UGT1A9: variants seen among roughly 807,000 people sequenced by gnomAD.
UGT1A9 encodes the protein UDP-glucuronosyltransferase 1A9.
A neutral mutation model predicts 45.0 loss-of-function variants in UGT1A9; 35 were observed. The observed-to-expected ratio is 0.78, with a 90% CI of 0.59 to 1.03. The LOEUF (loss-of-function observed/expected upper bound fraction) is 1.03. UGT1A9 is among the 50% of genes least tolerant of loss of function. The pLI is 0.00. For missense variants in UGT1A9, 687 were observed against 666.6 expected (o/e 1.03, Z -0.34); for synonymous variants, 278 against 250.6 (o/e 1.11, Z -1.03).
At chr2:233,724,824 G>A (rs1386605275) in intron 1 of UGT1A9, among the ~76,000 whole-genome samples, 24 of 135,740 alleles carry the variant, frequency 1.8e-4, no homozygotes, top group African/African-American at 7.1e-4. Context: ...TGCAATCTCG[G>A]CACTTTGGGA....
At chr2:233,728,823 T>G (rs1575576976) in intron 1 of UGT1A9, among the ~76,000 whole-genome samples, 2 of 152,200 alleles carry the variant, frequency 1.3e-5, no homozygotes, top group East Asian at 1.9e-4. Context: ...ATGAAATGGG[T>G]GTTCACAGCC....
chr2:233,717,641 G>A (rs869283), intron 1 of UGT1A9: 163,407 of 385,870 alleles, frequency 0.42, 37,925 homozygotes, highest in African/African-American at 0.72. Flanking sequence ...ATCCTGGGGC[G>A]ACCAGGACAA....
chr2:233,690,026 G>C (rs1455242628), intron 1 of UGT1A9: 1 of 432,784 alleles, frequency 2.3e-6, no homozygotes, highest in African/African-American at 2.1e-5. Flanking sequence ...CCTTCCTCAA[G>C]ATCTGGGCCC....
rs556800643 is a variant in UGT1A9 at position 233,745,736 on chromosome 2, G to A, written c.856-21298G>A. 8.6e-5 allele frequency among the ~76,000 whole-genome samples: 13 copies of A among 150,680 alleles called. No individual in the cohort carries two copies. The South Asian group carries it at 2.5e-3, about 29-fold the overall frequency. ...GAATGGCTGGAGGGTAAGAGGCAGA[G>A]GGAGGGGGCAAGCAGAAGGGGTGGA... On this transcript the variant is annotated intron_variant, in intron 1 of 4. Coordinates refer to ENST00000354728, the MANE Select transcript of UGT1A9 (RefSeq NM_021027.3).
intron 1 of UGT1A9, among the ~76,000 whole-genome samples, chr2:233,763,107 T>C (rs2126002075): frequency 6.6e-6 from 1 of 152,392 alleles, no homozygotes; most frequent in East Asian, 1.9e-4. Context: ...CACCGAACTT[T>C]ATCAGCTGCC....
intron 1 of UGT1A9, chr2:233,754,789 A>G (rs1444380130): frequency 8.4e-7 from 1 of 1,196,426 alleles, no homozygotes; most frequent in African/African-American, 1.6e-5. Context: ...AAGGAACGAA[A>G]TCCTGTATCA....
intron 1 of UGT1A9, chr2:233,760,357 G>T: frequency 6.2e-7 from 1 of 1,614,100 alleles, no homozygotes; most frequent in South Asian, 1.1e-5. Flanking sequence ...GGGCCCAGTG[G>T]TGTCCCATGC....
At chr2:233,747,362 G>C (rs765094554) in intron 1 of UGT1A9, 99 of 1,603,664 alleles carry the variant, frequency 6.2e-5, no homozygotes, top group Non-Finnish European at 7.6e-5. Flanking sequence ...CCGTGCGGGA[G>C]CTCCATGCCA....
Position 233,671,924 on chromosome 2 carries a change from G to C in UGT1A9, c.-11G>C. The C allele has an allele frequency of 1.9e-6, 3 of 1,597,406 alleles. No homozygotes were observed. The highest frequency in any genetic ancestry group is 2.6e-6 in the Non-Finnish European group (3 of 1,171,634). On this transcript the variant is annotated 5_prime_UTR_variant, in exon 1 of 5. Coordinates refer to ENST00000354728, the MANE Select transcript of UGT1A9 (RefSeq NM_021027.3). Reference sequence around the variant, plus strand: ...GATTCCCAGCTGCTTGCTCTCAGCTGCAGTTCTCTGATGGCTTGCACAGGG... The same window carrying C: ...GATTCCCAGCTGCTTGCTCTCAGCTCCAGTTCTCTGATGGCTTGCACAGGG...
In UGT1A9 at chr2:233,761,530, G is replaced by A. The variant is rs544153828; in HGVS notation, c.856-5504G>A. Among the ~76,000 whole-genome samples, 10 of 152,346 alleles carry A rather than the reference G, an allele frequency of 6.6e-5. No homozygotes were observed. In the East Asian group the frequency reaches 9.7e-4, roughly 15 times the overall value. ...CAGGCAGGCAATGTTCAGGACTGAT[G>A]AAATCATTCTTTGATGATGATAGAT... On this transcript the variant is annotated intron_variant, in intron 1 of 4. Coordinates refer to ENST00000354728, the MANE Select transcript of UGT1A9 (RefSeq NM_021027.3).
chr2:233,673,138 T>C (rs866454769), intron 1 of UGT1A9, among the ~76,000 whole-genome samples: 1 of 152,242 alleles, frequency 6.6e-6, no homozygotes, highest in African/African-American at 2.4e-5. Context: ...TTTGTGAACA[T>C]TCTTTTAATG....
intron 1 of UGT1A9, among the ~76,000 whole-genome samples, chr2:233,694,400 T>C (rs557019872): frequency 6.6e-6 from 1 of 152,256 alleles, no homozygotes; most frequent in Non-Finnish European, 1.5e-5. Context: ...ATGAAGAATA[T>C]GTGCCACAGA....
intron 1 of UGT1A9, chr2:233,755,285 A>T (rs1468695441): frequency 1.5e-6 from 1 of 681,694 alleles, no homozygotes; most frequent in African/African-American, 1.9e-5. Flanking sequence ...ACTGCCAAAG[A>T]GCCTGCGGGG....
At chr2:233,700,772 A>G (rs940098875) in intron 1 of UGT1A9, among the ~76,000 whole-genome samples, 4 of 151,978 alleles carry the variant, frequency 2.6e-5, no homozygotes, top group Admixed American at 2.6e-4. Context: ...TGCACAACGT[A>G]CAGGTTTGTT....
rs1559370464 is a variant in UGT1A9 at position 233,725,249 on chromosome 2, GGAGGCAGAGGCAGAGGAGGCAGAGGCA to G, written c.856-41768_856-41742del. Among the ~76,000 whole-genome samples, 7 of 48,520 alleles carry G rather than the reference GGAGGCAGAGGCAGAGGAGGCAGAGGCA, an allele frequency of 1.4e-4. 2 individuals carry two copies. The highest frequency in any genetic ancestry group is 4.8e-4 in the East Asian group (1 of 2,098). The allele number at this position is 48,520 out of a possible 152,430, so 31.8% of individuals were successfully genotyped here. On this transcript the variant is annotated intron_variant, in intron 1 of 4. Coordinates refer to ENST00000354728, the MANE Select transcript of UGT1A9 (RefSeq NM_021027.3). ...CAGAGGCAGAGGAGGCAGAGGCAGA[GGAGGCAGAGGCAGAGGAGGCAGAGGCA>G]GAGGCAGAGGCAGAGGCAGAGGCAG...
At chr2:233,768,469 G>T (rs1403858659) in intron 4 of UGT1A9, 30 bp downstream of exon 4, 1 of 1,603,172 alleles carries the variant, frequency 6.2e-7, no homozygotes, top group East Asian at 2.2e-5. Flanking sequence ...AGAATACTTT[G>T]GTCATGGCAT....
rs561823899 is a variant in UGT1A9 at position 233,704,839 on chromosome 2, G to A, written c.855+32050G>A. ...CTTTTTAGGATTGCTTTTAAAATCA[G>A]TTAAGAGAATAGGGCCGGGCACGGT... On this transcript the variant is annotated intron_variant, in intron 1 of 4. Transcript: ENST00000354728. Among the ~76,000 whole-genome samples, 3 of 152,072 alleles carry A rather than the reference G, an allele frequency of 2.0e-5. No homozygotes were observed. In the South Asian group the frequency reaches 6.2e-4, roughly 32 times the overall value.
intron 1 of UGT1A9, among the ~76,000 whole-genome samples, chr2:233,721,048 T>A (rs1417218537): frequency 6.6e-6 from 1 of 152,110 alleles, no homozygotes. Flanking sequence ...TGAGCCCTTT[T>A]TTGTCATATT....
intron 1 of UGT1A9, among the ~76,000 whole-genome samples, chr2:233,715,929 T>C (rs1446549427): frequency 1.3e-5 from 2 of 152,168 alleles, no homozygotes; most frequent in Non-Finnish European, 2.9e-5. Context: ...CTCAGGAGTT[T>C]CAGCTCTTGT....
Sources: allele counts gnomAD v4.1 joint callset (sites outside exome capture counted in the v4.1 genomes callset), GRCh38; gene constraint gnomAD v4.1.1; transcripts MANE v1.5; gene names NCBI Gene and HGNC (gene_info 2026-07-23, HGNC 2026-07-21).